The following CIST1 variants were observed in gnomAD, a reference collection of about 807,000 sequenced individuals.
CIST1 encodes the protein colon, intestine and stomach enriched 1, also known as uncharacterized LOC729966.
chr19:18,255,063 C>T, the CIST1 span, among the ~76,000 whole-genome samples: 15 of 152,184 alleles, frequency 9.9e-5, no homozygotes, highest in Non-Finnish European at 7.3e-5. The surrounding 1 kb of genome is among the most constrained non-coding windows in gnomAD (Gnocchi z 4.6). Flanking sequence ...ACAGCTGCTC[C>T]GTTTGTTTCT....
the CIST1 span, chr19:18,252,329 G>A: frequency 2.5e-6 from 1 of 399,104 alleles, no homozygotes; most frequent in Non-Finnish European, 4.4e-6. Flanking sequence ...GGCTGAGGTG[G>A]GTTATGGAGT....
the CIST1 span, among the ~76,000 whole-genome samples, chr19:18,254,097 G>C: frequency 6.6e-6 from 1 of 152,192 alleles, no homozygotes; most frequent in South Asian, 2.1e-4. Context: ...GCTGAGTCTA[G>C]AAGAGGCATG....
chr19:18,250,161 C>T, the CIST1 span: 1 of 398,722 alleles, frequency 2.5e-6, no homozygotes, highest in African/African-American at 2.1e-5. Context: ...AAAGGACAAT[C>T]TGTCATTCAC....
At chr19:18,251,984 C>G in the CIST1 span, 2 of 398,132 alleles carry the variant, frequency 5.0e-6, no homozygotes, top group Non-Finnish European at 8.8e-6. Context: ...GGCTGTACCT[C>G]CCCCTGGTGG....
chr19:18,250,124 C>G, the CIST1 span: 1 of 398,774 alleles, frequency 2.5e-6, no homozygotes, highest in Non-Finnish European at 4.4e-6. Flanking sequence ...GTTGGCTCCT[C>G]AGGGCTCACT....
At chr19:18,251,076 T>C in the CIST1 span, among the ~76,000 whole-genome samples, 3 of 148,734 alleles carry the variant, frequency 2.0e-5, no homozygotes, top group East Asian at 6.2e-4. Context: ...GAGCCCAGCC[T>C]AATTTTTAAA....
chr19:18,253,026 C>G, the CIST1 span, among the ~76,000 whole-genome samples: 1 of 152,302 alleles, frequency 6.6e-6, no homozygotes, highest in African/African-American at 2.4e-5. Context: ...AATTCATGCT[C>G]CTGGTCTGAA....
the CIST1 span, among the ~76,000 whole-genome samples, chr19:18,254,332 C>G: frequency 1.6e-4 from 25 of 152,184 alleles, no homozygotes; most frequent in Admixed American, 1.6e-3. Context: ...AAGCTGTGGA[C>G]TTGAAAAAGG....
the CIST1 span, chr19:18,252,513 C>T: frequency 2.5e-6 from 1 of 398,788 alleles, no homozygotes; most frequent in East Asian, 3.6e-5. Context: ...GCCTGTAATT[C>T]CAGCACTTTG....
the CIST1 span, among the ~76,000 whole-genome samples, chr19:18,253,989 C>T: frequency 6.6e-6 from 1 of 152,166 alleles, no homozygotes; most frequent in Non-Finnish European, 1.5e-5. Flanking sequence ...AGCAGAAATG[C>T]GGAAATAACA....
At chr19:18,251,099 A>G in the CIST1 span, among the ~76,000 whole-genome samples, 94 of 148,202 alleles carry the variant, frequency 6.3e-4, no homozygotes, top group African/African-American at 2.3e-3. Context: ...TTATTTAATC[A>G]ATTACTTTAT....
the CIST1 span, chr19:18,250,274 G>A: frequency 2.5e-6 from 1 of 399,088 alleles, no homozygotes; most frequent in Non-Finnish European, 4.4e-6. Flanking sequence ...ACCATGCCTT[G>A]GCCCCAGGGC....
At chr19:18,255,389 C>T in the CIST1 span, 8 of 397,734 alleles carry the variant, frequency 2.0e-5, no homozygotes, top group Admixed American at 4.4e-5. The surrounding 1 kb of genome is among the most constrained non-coding windows in gnomAD (Gnocchi z 4.6). Flanking sequence ...CTTGCACCTG[C>T]GTGTGCGCTC....
At chr19:18,251,123 A>G in the CIST1 span, among the ~76,000 whole-genome samples, 12 of 138,996 alleles carry the variant, frequency 8.6e-5, no homozygotes, top group South Asian at 3.1e-3. Context: ...TTTTTGAGAT[A>G]GAGTCTTTTT....
the CIST1 span, among the ~76,000 whole-genome samples, chr19:18,253,749 C>T: frequency 1.2e-4 from 18 of 152,312 alleles, no homozygotes; most frequent in East Asian, 2.1e-3. Flanking sequence ...CACCCTTCTA[C>T]GTGTTGGTCC....
chr19:18,250,923 G>A, the CIST1 span, among the ~76,000 whole-genome samples: 21 of 152,000 alleles, frequency 1.4e-4, no homozygotes, highest in Middle Eastern at 6.8e-3. Context: ...ACAAGTGTGT[G>A]CCACCACACC....
the CIST1 span, chr19:18,255,172 C>A: frequency 2.5e-6 from 1 of 398,510 alleles, no homozygotes; most frequent in East Asian, 3.6e-5. The surrounding 1 kb of genome is among the most constrained non-coding windows in gnomAD (Gnocchi z 4.6). Context: ...CGTCCCCCAC[C>A]CCCACCCTTC....
chr19:18,253,865 T>G, the CIST1 span, among the ~76,000 whole-genome samples: 1 of 152,214 alleles, frequency 6.6e-6, no homozygotes, highest in Non-Finnish European at 1.5e-5. Flanking sequence ...TCCCACCCAG[T>G]TCCAGGTGAC....
chr19:18,250,933 C>T, the CIST1 span, among the ~76,000 whole-genome samples: 2 of 151,950 alleles, frequency 1.3e-5, no homozygotes, highest in Admixed American at 6.6e-5. Flanking sequence ...GCCACCACAC[C>T]CAGCTAATTT....
Sources: gnomAD v4.1 joint callset for allele counts (sites outside exome capture counted in the v4.1 genomes callset) on GRCh38, gnomAD v4.1.1 for gene constraint, Gnocchi (gnomAD v3.1) non-coding constraint, MANE v1.5 for transcripts, NCBI Gene and HGNC (gene_info 2026-07-23, HGNC 2026-07-21) for gene names.